TAFA4: variants seen among roughly 807,000 people sequenced by gnomAD.
The protein encoded by TAFA4 is chemokine-like protein TAFA-4.
In TAFA4, 20 loss-of-function variants were observed where a neutral mutation model predicts 21.1. The ratio of observed to expected loss-of-function variants is 0.95; its 90% confidence interval spans 0.67 to 1.38. TAFA4 has a LOEUF of 1.38. Among genes scored for constraint, TAFA4 ranks in the 40% most tolerant of loss-of-function variants. The probability of loss-of-function intolerance (pLI) is 0.00; values close to 1 mark genes in which losing one functional copy is unlikely to be tolerated. For missense variants in TAFA4, 211 were observed against 180.9 expected, an observed-to-expected ratio of 1.17 and a Z score of -0.95; for synonymous variants, 71 against 67.4, an observed-to-expected ratio of 1.05 and a Z score of -0.26.
intron 3 of TAFA4, among the ~76,000 whole-genome samples, chr3:68,797,180 G>T (rs1440388573): frequency 1.3e-5 from 2 of 152,090 alleles, no homozygotes; most frequent in African/African-American, 2.4e-5. Context: ...TCAAGGACCT[G>T]AACAGATATT....
chr3:68,919,518 C>A (rs1293318463), intron 1 of TAFA4, among the ~76,000 whole-genome samples: 2 of 152,146 alleles, frequency 1.3e-5, no homozygotes, highest in East Asian at 3.9e-4. Context: ...GCATACCTTG[C>A]ACCAGCGCTG....
chr3:68,840,174 G>A lies in TAFA4; in HGVS notation c.130+40556C>T, dbSNP rs574130535. 3.3e-5 allele frequency among the ~76,000 whole-genome samples: 5 copies of A among 152,210 alleles called. No individual in the cohort carries two copies. In the South Asian group the frequency reaches 1.0e-3, roughly 32 times the overall value. On this transcript the variant is annotated intron_variant, in intron 3 of 5. Coordinates refer to ENST00000295569, the MANE Select transcript of TAFA4 (RefSeq NM_182522.5). ...TGAGCATTCCCTGGACAGAAATCAAGGTGTTGGCACTTTTGGTTGGTTGGT... is the reference window on the plus strand; with the variant it reads ...TGAGCATTCCCTGGACAGAAATCAAAGTGTTGGCACTTTTGGTTGGTTGGT...
At chr3:68,909,214 C>G (rs755796044) in intron 1 of TAFA4, among the ~76,000 whole-genome samples, 11 of 152,202 alleles carry the variant, frequency 7.2e-5, no homozygotes, top group Non-Finnish European at 1.6e-4. Context: ...AAAATGACAA[C>G]AGAATTTAGT....
intron 3 of TAFA4, among the ~76,000 whole-genome samples, chr3:68,820,997 T>C (rs898447115): frequency 6.6e-6 from 1 of 152,246 alleles, no homozygotes; most frequent in Non-Finnish European, 1.5e-5. Context: ...TACCAAATGA[T>C]GTAGTGTACA....
At chr3:68,930,918 C>T (rs1032886526) in intron 1 of TAFA4, among the ~76,000 whole-genome samples, 3 of 152,166 alleles carry the variant, frequency 2.0e-5, no homozygotes, top group Non-Finnish European at 4.4e-5. Flanking sequence ...TTATTTTAGC[C>T]TTTAAAAAAA....
chr3:68,909,048 A>C (rs2089930426), intron 1 of TAFA4, among the ~76,000 whole-genome samples: 1 of 152,166 alleles, frequency 6.6e-6, no homozygotes, highest in African/African-American at 2.4e-5. Flanking sequence ...CTGAATTTTT[A>C]GTTTTGTTTA....
At chr3:68,827,611 T>G (rs1704280687) in intron 3 of TAFA4, among the ~76,000 whole-genome samples, 1 of 152,232 alleles carries the variant, frequency 6.6e-6, no homozygotes, top group Non-Finnish European at 1.5e-5. Context: ...CATTGTGGTT[T>G]TGATTTGCAT....
chr3:68,895,489 G>A (rs992409793), intron 1 of TAFA4, among the ~76,000 whole-genome samples: 1 of 152,164 alleles, frequency 6.6e-6, no homozygotes, highest in African/African-American at 2.4e-5. Context: ...ATATGTGCAT[G>A]GGTTTGTTTT....
intron 4 of TAFA4, among the ~76,000 whole-genome samples, chr3:68,749,380 TGTAAATTCAG>T (rs1327194626): frequency 1.3e-5 from 2 of 152,366 alleles, no homozygotes; most frequent in African/African-American, 4.8e-5. Flanking sequence ...TTAATTTAAA[TGTAAATTCAG>T]GTAAATTTTA....
intron 3 of TAFA4, among the ~76,000 whole-genome samples, chr3:68,815,174 T>C (rs1405335566): frequency 6.6e-6 from 1 of 152,172 alleles, no homozygotes; most frequent in Non-Finnish European, 1.5e-5. Flanking sequence ...CAGGATGGAT[T>C]AAAGACTTAA....
chr3:68,862,388 G>A (rs2089356297), intron 3 of TAFA4, among the ~76,000 whole-genome samples: 1 of 152,142 alleles, frequency 6.6e-6, no homozygotes, highest in Non-Finnish European at 1.5e-5. Context: ...CACTTATAGG[G>A]TGATTGCGGG....
chr3:68,885,095 A>G, intron 2 of TAFA4, 80 bp downstream of exon 2: 1 of 1,371,594 alleles, frequency 7.3e-7, no homozygotes, highest in Non-Finnish European at 1.0e-6. Context: ...CGGATCATCA[A>G]CTCCAGGATA....
intron 1 of TAFA4, among the ~76,000 whole-genome samples, chr3:68,907,739 A>G (rs1468446397): frequency 1.3e-5 from 2 of 152,214 alleles, no homozygotes; most frequent in Non-Finnish European, 2.9e-5. Context: ...AGCCCAGGCT[A>G]CTCATGGCAT....
chr3:68,765,888 A>G (rs537803057), intron 3 of TAFA4, among the ~76,000 whole-genome samples: 1 of 152,264 alleles, frequency 6.6e-6, no homozygotes, highest in Non-Finnish European at 1.5e-5. Context: ...AGGTGCTTCA[A>G]TGCATGGGGC....
intron 3 of TAFA4, among the ~76,000 whole-genome samples, chr3:68,879,523 T>C (rs1489778661): frequency 6.6e-6 from 1 of 152,022 alleles, no homozygotes; most frequent in South Asian, 2.1e-4. Context: ...TCAAACACTA[T>C]CCTCGTGAAC....
rs1296702244 is a variant in TAFA4 at position 68,932,414 on chromosome 3, G to A, written c.-297C>T. 6.6e-6 allele frequency: 1 copy of A among 152,348 alleles called. No homozygotes were observed. Among genetic ancestry groups the A allele is most frequent in the East Asian group, 1.9e-4 (1 of 5,186 alleles). The allele number at this position is 152,348 out of a possible 1,614,324, so 9.4% of individuals were successfully genotyped here. A position where few individuals can be genotyped will look rare whatever the true frequency, so the allele number is the denominator to read the frequency against. ...AGTTCCCACGTCTCTACCAGGAGAA[G>A]CCCGAAGCTCCTGCGGGAGAAGCCT... is the stretch of plus-strand genomic sequence containing the variant. On this transcript the variant is annotated 5_prime_UTR_variant, in exon 1 of 6. Transcript: ENST00000295569.
intron 3 of TAFA4, among the ~76,000 whole-genome samples, chr3:68,775,040 G>T (rs1278707423): frequency 1.3e-5 from 2 of 152,200 alleles, no homozygotes; most frequent in African/African-American, 4.8e-5. Context: ...AATGAGTGAA[G>T]TAAATTCCAA....
At chr3:68,773,786 G>A (rs770155963) in intron 3 of TAFA4, among the ~76,000 whole-genome samples, 5 of 152,120 alleles carry the variant, frequency 3.3e-5, no homozygotes, top group Admixed American at 6.5e-5. Context: ...TAAAATTTTC[G>A]TTTGACAGAT....
chr3:68,924,033 T>TA (rs1363132585), intron 1 of TAFA4, among the ~76,000 whole-genome samples: 1 of 152,112 alleles, frequency 6.6e-6, no homozygotes, highest in African/African-American at 2.4e-5. Context: ...CTTAGTACAA[T>TA]AAAATGGCAC....
Sources: allele counts gnomAD v4.1 joint callset (sites outside exome capture counted in the v4.1 genomes callset), GRCh38; gene constraint gnomAD v4.1.1; transcripts MANE v1.5; gene names NCBI Gene and HGNC (gene_info 2026-07-23, HGNC 2026-07-21).